DOCK1: variants seen among roughly 807,000 people sequenced by gnomAD.
The protein encoded by DOCK1 is dedicator of cytokinesis 1, also known as dedicator of cytokinesis protein 1.
Under a neutral mutation model 262.7 loss-of-function variants are expected in DOCK1, and 138 were observed. The ratio of observed to expected loss-of-function variants is 0.53; its 90% CI spans 0.46 to 0.61. The LOEUF is 0.61. Among genes scored for constraint, DOCK1 ranks in the 20% least tolerant of loss-of-function variants. The pLI is 0.00. For synonymous variants in DOCK1, 866 were observed against 867.4 expected (o/e 1.00, Z 0.03); for missense variants, 1,908 against 2,370.7 (o/e 0.80, Z 4.05).
intron 23 of DOCK1, among the ~76,000 whole-genome samples, chr10:127,090,696 T>C (rs2047468447): frequency 6.6e-6 from 1 of 152,194 alleles, no homozygotes; most frequent in African/African-American, 2.4e-5. Context: ...GAATTTGTTT[T>C]CTGTCTCTAC....
intron 23 of DOCK1, among the ~76,000 whole-genome samples, chr10:127,092,773 G>A (rs964125102): frequency 3.3e-5 from 5 of 152,144 alleles, no homozygotes; most frequent in Non-Finnish European, 7.4e-5. Context: ...GTGAGCCACC[G>A]CGCCCGGCAG....
intron 14 of DOCK1, 91 bp downstream of exon 14, chr10:127,023,415 G>C: frequency 2.0e-6 from 3 of 1,524,640 alleles, no homozygotes; most frequent in East Asian, 4.7e-5. Context: ...ATGTCGTCAG[G>C]GTGGGGCTTT....
chr10:127,232,938 TA>T (rs2058906256), intron 27 of DOCK1, among the ~76,000 whole-genome samples: 1 of 152,170 alleles, frequency 6.6e-6, no homozygotes, highest in Non-Finnish European at 1.5e-5. Context: ...TAATAAAAAA[TA>T]AAAAATCTTG....
intron 29 of DOCK1, among the ~76,000 whole-genome samples, chr10:127,297,553 C>T (rs926396643): frequency 1.3e-5 from 2 of 152,066 alleles, no homozygotes; most frequent in Non-Finnish European, 2.9e-5. Context: ...AGGAAGGGTG[C>T]GTTTGCTGTG....
chr10:127,286,658 A>G (rs770028998), intron 29 of DOCK1, among the ~76,000 whole-genome samples: 2 of 152,202 alleles, frequency 1.3e-5, no homozygotes, highest in Non-Finnish European at 2.9e-5. Context: ...CATGTCGTTC[A>G]TAAATATTTC....
chr10:127,047,095 G>C (rs540963730), intron 21 of DOCK1, among the ~76,000 whole-genome samples: 16 of 152,318 alleles, frequency 1.1e-4, no homozygotes, highest in Middle Eastern at 3.4e-3. Flanking sequence ...TTTTTGGAGA[G>C]TTGCAGTGCA....
At chr10:127,416,484 T>G (rs61870351) in intron 44 of DOCK1, among the ~76,000 whole-genome samples, 14,175 of 151,874 alleles carry the variant, frequency 0.093, 760 homozygotes, top group South Asian at 0.16. Context: ...CTTAGGGAGG[T>G]GGAGAGGGGA....
chr10:127,019,225 C>T (rs955933784), intron 13 of DOCK1, among the ~76,000 whole-genome samples: 7 of 152,178 alleles, frequency 4.6e-5, no homozygotes, highest in African/African-American at 7.2e-5. Flanking sequence ...TGCCTGCGCC[C>T]GCTCAGCTAG....
chr10:127,342,910 T>C (rs1348781950), intron 30 of DOCK1, among the ~76,000 whole-genome samples: 1 of 152,198 alleles, frequency 6.6e-6, no homozygotes, highest in Non-Finnish European at 1.5e-5. Context: ...TATGGAAATC[T>C]ATACTATTCT....
intron 28 of DOCK1, among the ~76,000 whole-genome samples, chr10:127,255,672 A>G (rs2059805210): frequency 6.6e-6 from 1 of 152,248 alleles, no homozygotes; most frequent in Non-Finnish European, 1.5e-5. Flanking sequence ...GCTGAGCCAT[A>G]CTAATGAAGT....
At chr10:127,201,287 G>C (rs757115161) in intron 27 of DOCK1, among the ~76,000 whole-genome samples, 2 of 152,132 alleles carry the variant, frequency 1.3e-5, no homozygotes, top group Non-Finnish European at 2.9e-5. Context: ...CTCTCGCTTT[G>C]TGTAAAGCCC....
intron 27 of DOCK1, among the ~76,000 whole-genome samples, chr10:127,246,204 G>A (rs891342059): frequency 4.6e-5 from 7 of 152,154 alleles, no homozygotes; most frequent in Admixed American, 3.9e-4. Context: ...AAAGAAATGA[G>A]GTCAGCCAGT....
At chr10:127,163,641 C>T (rs1025014455) in intron 27 of DOCK1, among the ~76,000 whole-genome samples, 2 of 152,114 alleles carry the variant, frequency 1.3e-5, no homozygotes, top group Non-Finnish European at 2.9e-5. Flanking sequence ...TTTTGTGATG[C>T]GTCTGTCTAA....
At chr10:127,328,947 ATAT>A (rs931315800) in intron 29 of DOCK1, among the ~76,000 whole-genome samples, 16 of 151,320 alleles carry the variant, frequency 1.1e-4, no homozygotes, top group African/African-American at 3.4e-4. Flanking sequence ...ATATAAATAA[ATAT>A]TATATATATG....
chr10:126,951,220 A>G (rs1353935553), intron 1 of DOCK1, among the ~76,000 whole-genome samples: 1 of 145,298 alleles, frequency 6.9e-6, no homozygotes, highest in Non-Finnish European at 1.5e-5. Flanking sequence ...TGGTGGTAAT[A>G]TTGGTGATGG....
At chr10:126,957,583 T>C (rs949132053) in intron 1 of DOCK1, among the ~76,000 whole-genome samples, 3 of 152,264 alleles carry the variant, frequency 2.0e-5, no homozygotes, top group South Asian at 4.2e-4. Context: ...ACTCCTGGGC[T>C]CAAGTGATCC....
intron 29 of DOCK1, among the ~76,000 whole-genome samples, chr10:127,302,467 A>G (rs187677648): frequency 6.6e-6 from 1 of 152,104 alleles, no homozygotes; most frequent in African/African-American, 2.4e-5. Flanking sequence ...TCCCAGTGAA[A>G]GCTATGGTTG....
chr10:126,984,423 C>G (rs970805505), intron 4 of DOCK1, among the ~76,000 whole-genome samples: 1 of 152,218 alleles, frequency 6.6e-6, no homozygotes, highest in Non-Finnish European at 1.5e-5. Context: ...TCTTGGCTCA[C>G]TGCAACCTCT....
At chr10:127,004,500 A>T (rs959651496) in intron 10 of DOCK1, among the ~76,000 whole-genome samples, 1 of 152,086 alleles carries the variant, frequency 6.6e-6, no homozygotes, top group African/African-American at 2.4e-5. Context: ...TAATCCTAGC[A>T]CTTTGGGAGG....
Sources: allele counts gnomAD v4.1 joint callset (sites outside exome capture counted in the v4.1 genomes callset), GRCh38; gene constraint gnomAD v4.1.1; transcripts MANE v1.5; gene names NCBI Gene and HGNC (gene_info 2026-07-23, HGNC 2026-07-21).